HNRNPLL: variants seen among roughly 807,000 people sequenced by gnomAD.
The protein encoded by HNRNPLL is heterogeneous nuclear ribonucleoprotein L like, also known as heterogeneous nuclear ribonucleoprotein L-like.
HNRNPLL carries 25 observed loss-of-function variants against 67.1 expected under a neutral mutation model. That is an observed-to-expected ratio of 0.37 (90% CI 0.27 to 0.52). HNRNPLL has a LOEUF of 0.52. Among genes scored for constraint, HNRNPLL ranks in the 20% least tolerant of loss-of-function variants. The pLI, the probability that HNRNPLL is intolerant of heterozygous loss-of-function variation, is 0.90. For synonymous variants in HNRNPLL, 267 were observed against 241.7 expected (o/e 1.10, Z -0.97); for missense variants, 542 against 673.9 (o/e 0.80, Z 2.17).
Position 38,568,513 on chromosome 2 carries a change from A to T in HNRNPLL, c.1417-70T>A. The T allele has an allele frequency of 4.1e-6, 4 of 967,988 alleles. No individual in the cohort carries two copies. In the South Asian group the frequency reaches 6.1e-5, roughly 15 times the overall value. The allele number at this position is 967,988 out of a possible 1,614,324, so 60.0% of individuals were successfully genotyped here. A position where few individuals can be genotyped will look rare whatever the true frequency, so the allele number is the denominator to read the frequency against. On this transcript the variant is annotated intron_variant, in intron 10 of 12. Transcript: ENST00000449105. The stretch of plus-strand genomic sequence containing the variant: ...TATCCCACTTTTTTACAGAAAGTAA[A>T]CTTTATGGCAGAATTTAAGTTTTAA...
rs778522057 is a variant in HNRNPLL at position 38,581,981 on chromosome 2, G to A, written c.734C>T (p.Thr245Ile). The change falls in exon 6 of 13, where the codon ACT (threonine) becomes ATT (isoleucine). Residue 245 changes from threonine to isoleucine, a missense_variant. This residue lies in a region of HNRNPLL where 415 missense variants were observed against 575.2 expected (regional missense o/e 0.72). Coordinates refer to ENST00000449105, the MANE Select transcript of HNRNPLL (RefSeq NM_138394.4). The stretch of plus-strand genomic sequence containing the variant: ...GTCATTCCTAATAACATTTAGACGA[G>A]TTGGCTGTTAAGATTGAAAATAATG... ...CTLKIEYARP[T>I]RLNVIRNDND... is the part of the protein sequence containing the mutation. The A allele has an allele frequency of 6.2e-7, 1 of 1,611,348 alleles. No homozygotes were observed. The highest frequency in any genetic ancestry group is 8.5e-7 in the Non-Finnish European group (1 of 1,177,640).
At chr2:38,565,678 G>T (rs969146448) in intron 12 of HNRNPLL, among the ~76,000 whole-genome samples, 26 of 142,302 alleles carry the variant, frequency 1.8e-4, no homozygotes, top group African/African-American at 6.0e-4. Flanking sequence ...GCAGTGGGCT[G>T]TGATTGCACC....
chr2:38,579,741 AT>A (rs5830537), intron 6 of HNRNPLL, among the ~76,000 whole-genome samples: 3 of 150,696 alleles, frequency 2.0e-5, no homozygotes, highest in Non-Finnish European at 4.4e-5. Flanking sequence ...AAAAGTTTTT[AT>A]TTTTTTTGGT....
At chr2:38,582,590 G>A (rs1034671095) in intron 4 of HNRNPLL, among the ~76,000 whole-genome samples, 92 of 151,938 alleles carry the variant, frequency 6.1e-4, no homozygotes, top group Middle Eastern at 3.2e-3. Flanking sequence ...GATCACAGAC[G>A]TGAGTCACTG....
At chr2:38,574,743 T>C (rs1408172577) in intron 7 of HNRNPLL, among the ~76,000 whole-genome samples, 1 of 151,762 alleles carries the variant, frequency 6.6e-6, no homozygotes, top group African/African-American at 2.4e-5. Flanking sequence ...ATCATCAGTG[T>C]CTCCTTAAAT....
At chr2:38,571,038 T>A (rs1666057593) in intron 8 of HNRNPLL, among the ~76,000 whole-genome samples, 2 of 152,010 alleles carry the variant, frequency 1.3e-5, no homozygotes, top group Non-Finnish European at 2.9e-5. Context: ...GAACAAGACC[T>A]TGTCTCAAAA....
Position 38,595,830 on chromosome 2 carries a change from C to T in HNRNPLL, c.190-4182G>A, listed in dbSNP as rs566402473. Among the ~76,000 whole-genome samples, 793 of 151,952 alleles carry T rather than the reference C, an allele frequency of 5.2e-3. 3 individuals are homozygous for T. The highest frequency in any genetic ancestry group is 8.4e-3 in the Non-Finnish European group (572 of 67,962). Reference sequence around the variant, plus strand: ...CTGCACTCCAGCCTGGGCGACAGAGCGAGACTCCGTCTCAAAAAAAAAGGG... The same window carrying T: ...CTGCACTCCAGCCTGGGCGACAGAGTGAGACTCCGTCTCAAAAAAAAAGGG... On this transcript the variant is annotated intron_variant, in intron 1 of 12. Transcript: ENST00000449105.
intron 1 of HNRNPLL, among the ~76,000 whole-genome samples, chr2:38,596,001 G>C (rs1325561926): frequency 7.9e-5 from 12 of 151,486 alleles, no homozygotes; most frequent in Admixed American, 3.9e-4. Context: ...TATTTACCTG[G>C]ATATTTCTAT....
At chr2:38,571,243 T>G (rs903739094) in intron 8 of HNRNPLL, among the ~76,000 whole-genome samples, 3 of 152,138 alleles carry the variant, frequency 2.0e-5, no homozygotes, top group Non-Finnish European at 4.4e-5. Context: ...AATAATAAAA[T>G]AGAAAAATTA....
intron 1 of HNRNPLL, chr2:38,602,162 CCCGCCG>C: frequency 4.2e-6 from 2 of 471,276 alleles, no homozygotes; most frequent in Non-Finnish European, 7.4e-6. Context: ...GCGACGCCTC[CCCGCCG>C]CCGCCGCCGC....
chr2:38,582,454 G>A (rs1666567255), intron 4 of HNRNPLL, among the ~76,000 whole-genome samples: 1 of 152,080 alleles, frequency 6.6e-6, no homozygotes, highest in South Asian at 2.1e-4. Flanking sequence ...GGGACTACAG[G>A]TGTGTGCCAC....
intron 1 of HNRNPLL, among the ~76,000 whole-genome samples, chr2:38,595,499 T>A (rs971801962): frequency 1.3e-5 from 2 of 152,054 alleles, no homozygotes; most frequent in Non-Finnish European, 2.9e-5. Flanking sequence ...TATTATTATT[T>A]AATTATATTT....
chr2:38,581,869 T>G lies in HNRNPLL; in HGVS notation c.802+44A>C, dbSNP rs371804095. 29 of 1,262,102 alleles carry G rather than the reference T, an allele frequency of 2.3e-5. No homozygotes were observed. In the East Asian group the frequency reaches 6.2e-4, roughly 27 times the overall value. The allele number at this position is 1,262,102 out of a possible 1,614,324, so 78.2% of individuals were successfully genotyped here. On this transcript the variant is annotated intron_variant, in intron 6 of 12. Transcript: ENST00000449105. ...AAAGAATCTAACTGCATATAAAAAT[T>G]TGTCAGCAGATCAAGTACATTCTAA...
Position 38,602,445 on chromosome 2 carries a change from G to C in HNRNPLL, c.182C>G (p.Ser61Cys). 6.5e-7 allele frequency: 1 copy of C among 1,539,192 alleles called. No individual in the cohort carries two copies. Among genetic ancestry groups the C allele is most frequent in the Non-Finnish European group, 8.7e-7 (1 of 1,148,976 alleles). Residue 61 changes from serine to cysteine, a missense_variant, in exon 1 of 13, where the codon TCT (serine) becomes TGT (cysteine). Physicochemically the swap from Ser to Cys is moderately radical, Grantham distance 112. Transcript: ENST00000449105. Reference protein sequence around the residue: ...GDGGGGGRSFSQPEAGGSHHK... With the variant: ...GDGGGGGRSFCQPEAGGSHHK... ...GGGGCCGCGCTTTGTTACCGGCTGA[G>C]AGAAGCTCCGGCCGCCGCCGCCGCC...
At position 38,565,915 on chromosome 2, in the gene HNRNPLL, T is replaced by C. The variant is rs1010342079; in HGVS notation, c.1574-1678A>G. On this transcript the variant is annotated intron_variant, in intron 12 of 12. Coordinates refer to ENST00000449105, the MANE Select transcript of HNRNPLL (RefSeq NM_138394.4). ...ACCCTTCACACACAGTTTTGAAAGC[T>C]AGAATATTTTAAAGCAAATTTCAGA... 1.0e-5 allele frequency: 6 copies of C among 583,122 alleles called. No individual in the cohort carries two copies. In the South Asian group the frequency reaches 2.3e-4, roughly 22 times the overall value. 36.1% of individuals were successfully genotyped at this position (583,122 alleles called of 1,614,324 possible). A position where few individuals can be genotyped will look rare whatever the true frequency, so the allele number is the denominator to read the frequency against.
intron 10 of HNRNPLL, among the ~76,000 whole-genome samples, chr2:38,568,823 G>GA (rs1353328967): frequency 1.3e-5 from 2 of 152,058 alleles, no homozygotes; most frequent in Admixed American, 1.3e-4. Flanking sequence ...TATGGATAGA[G>GA]AAAATTTTGT....
chr2:38,582,069 T>G lies in HNRNPLL; in HGVS notation c.729+3A>C, dbSNP rs2148359339. 1 of 1,610,586 alleles carries G rather than the reference T, an allele frequency of 6.2e-7. No individual in the cohort carries two copies. Among genetic ancestry groups the G allele is most frequent in the Admixed American group, 1.7e-5 (1 of 60,018 alleles). On this transcript the variant is annotated splice_donor_region_variant and intron_variant, in intron 5 of 12. Coordinates refer to ENST00000449105, the MANE Select transcript of HNRNPLL (RefSeq NM_138394.4). ...TGGGTAGGGTGTTGAAAAAAATATTTACCCGTGCATATTCAATTTTTAGTG... is the reference window on the plus strand; with the variant it reads ...TGGGTAGGGTGTTGAAAAAAATATTGACCCGTGCATATTCAATTTTTAGTG...
intron 1 of HNRNPLL, chr2:38,600,045 C>T (rs1465640136): frequency 1.1e-5 from 4 of 351,736 alleles, no homozygotes; most frequent in South Asian, 6.9e-5. Flanking sequence ...ATCCGGGGAA[C>T]GTCTATCCTA....
At chr2:38,591,215 A>G (rs1289697867) in intron 2 of HNRNPLL, among the ~76,000 whole-genome samples, 4 of 152,202 alleles carry the variant, frequency 2.6e-5, no homozygotes, top group Non-Finnish European at 5.9e-5. Flanking sequence ...TCAATGGTTT[A>G]AAGAGTGTTT....
Sources: gnomAD v4.1 joint callset for allele counts (sites outside exome capture counted in the v4.1 genomes callset) on GRCh38, gnomAD v4.1.1 for gene constraint, gnomAD v4.1.1 regional missense constraint, MANE v1.5 for transcripts, NCBI Gene and HGNC (gene_info 2026-07-23, HGNC 2026-07-21) for gene names.